The following CLEC2A variants were observed in gnomAD, a reference collection of about 807,000 sequenced individuals.
CLEC2A encodes C-type lectin domain family 2 member A.
In CLEC2A, 19 loss-of-function variants were observed where a neutral mutation model predicts 18.6. That is an observed-to-expected ratio of 1.02 (90% CI 0.71 to 1.50). CLEC2A has a LOEUF of 1.50. Among genes scored for constraint, CLEC2A ranks in the 40% most tolerant of loss-of-function variants. The probability of loss-of-function intolerance (pLI) is 0.00; values close to 1 mark genes in which losing one functional copy is unlikely to be tolerated. For synonymous variants in CLEC2A, 74 were observed against 64.0 expected (o/e 1.16, Z -0.75); for missense variants, 190 against 207.9 (o/e 0.91, Z 0.53).
downstream of CLEC2A, among the ~76,000 whole-genome samples, chr12:9,897,019 C>G (rs1862764337): frequency 6.6e-6 from 1 of 151,968 alleles, no homozygotes; most frequent in African/African-American, 2.4e-5. Context: ...ACCACCATGC[C>G]CAGCTAATTT....
chr12:9,908,709 T>C (rs1240915221), downstream of CLEC2A, among the ~76,000 whole-genome samples: 1 of 152,336 alleles, frequency 6.6e-6, no homozygotes, highest in South Asian at 2.1e-4. Flanking sequence ...AAGAGACCTG[T>C]TCTTCCACAT....
chr12:9,919,690 A>G (rs1863132834), intron 3 of CLEC2A, among the ~76,000 whole-genome samples: 1 of 152,030 alleles, frequency 6.6e-6, no homozygotes, highest in South Asian at 2.1e-4. Flanking sequence ...CCACTTTATC[A>G]TAGGGCTGCT....
At chr12:9,888,346 T>C in the CLEC2A span, among the ~76,000 whole-genome samples, 1 of 151,530 alleles carries the variant, frequency 6.6e-6, no homozygotes, top group African/African-American at 2.4e-5. Context: ...AAAAATTAGC[T>C]GGGCATGGTG....
At chr12:9,932,235 C>T (rs752004792) in intron 1 of CLEC2A, 40 bp downstream of exon 1, 19 of 1,412,954 alleles carry the variant, frequency 1.3e-5, no homozygotes. Flanking sequence ...TTTGTTTTAT[C>T]TTTCCTTTAC....
chr12:9,888,319 T>C, the CLEC2A span, among the ~76,000 whole-genome samples: 1 of 151,016 alleles, frequency 6.6e-6, no homozygotes, highest in African/African-American at 2.4e-5. Context: ...TGAAACCCCA[T>C]CTCTACTAAA....
At chr12:9,895,769 C>T (rs528889856), downstream of CLEC2A, 1 of 1,535,808 alleles carries the variant, frequency 6.5e-7, no homozygotes, top group African/African-American at 1.4e-5. Flanking sequence ...GACTGTAGCT[C>T]CACATTTAAG....
At chr12:9,902,005 C>T (rs940580848) in intron 4 of CLEC2A, among the ~76,000 whole-genome samples, 1 of 152,182 alleles carries the variant, frequency 6.6e-6, no homozygotes, top group Non-Finnish European at 1.5e-5. Context: ...CTTGAACCTT[C>T]AGCTTTTTCC....
the CLEC2A span, among the ~76,000 whole-genome samples, chr12:9,883,475 T>C: frequency 6.6e-6 from 1 of 152,172 alleles, no homozygotes. Context: ...TACATGAAAA[T>C]ATTAATTTTT....
At chr12:9,882,525 C>A in the CLEC2A span, among the ~76,000 whole-genome samples, 1,470 of 152,236 alleles carry the variant, frequency 9.7e-3, 18 homozygotes, top group African/African-American at 0.034. Context: ...TGCCTGTAAT[C>A]CCAGCACTTT....
At chr12:9,929,580 A>G (rs1248828391) in intron 1 of CLEC2A, among the ~76,000 whole-genome samples, 1 of 152,150 alleles carries the variant, frequency 6.6e-6, no homozygotes, top group Non-Finnish European at 1.5e-5. Flanking sequence ...TTGCACTGAT[A>G]TTCTGATATC....
intron 3 of CLEC2A, among the ~76,000 whole-genome samples, chr12:9,917,825 T>C (rs1863097559): frequency 1.3e-5 from 2 of 152,242 alleles, no homozygotes; most frequent in Non-Finnish European, 2.9e-5. Context: ...TATCTCGTTG[T>C]GGTTTTAATG....
the CLEC2A span, chr12:9,884,859 C>T: frequency 2.1e-6 from 1 of 468,356 alleles, no homozygotes; most frequent in Non-Finnish European, 3.7e-6. Flanking sequence ...CATGAGTTGT[C>T]TCTGTAATAA....
chr12:9,906,001 T>C (rs190929528), intron 4 of CLEC2A, among the ~76,000 whole-genome samples: 4 of 150,688 alleles, frequency 2.7e-5, no homozygotes, highest in Non-Finnish European at 5.9e-5. Flanking sequence ...GTGGTGATTT[T>C]CTTGGAGCCC....
intron 1 of CLEC2A, among the ~76,000 whole-genome samples, chr12:9,931,570 G>A (rs563932587): frequency 1.1e-4 from 16 of 152,202 alleles, no homozygotes; most frequent in Admixed American, 7.2e-4. Context: ...AAGAGTATCA[G>A]GCTTACTTAT....
rs1863017157 is a variant in CLEC2A at position 9,913,415 on chromosome 12, C to A, written c.*151G>T. 3.0e-6 allele frequency: 4 copies of A among 1,341,720 alleles called. No individual in the cohort carries two copies. In the Admixed American group the frequency reaches 1.2e-4, roughly 41 times the overall value. The allele number at this position is 1,341,720 out of a possible 1,614,324, so 83.1% of individuals were successfully genotyped here. ...CCTTGTCTCTTTAACCATGGCAGGG[C>A]ACAGCAAGAAGTTTCCATCTATAAA... On this transcript the variant is annotated 3_prime_UTR_variant, in exon 5 of 5. Transcript: ENST00000455827.
At chr12:9,893,275 GT>G in the CLEC2A span, 1 of 1,051,860 alleles carries the variant, frequency 9.5e-7, no homozygotes, top group Non-Finnish European at 1.3e-6. Flanking sequence ...CTGAACATGT[GT>G]TAGCCACAAT....
the CLEC2A span, among the ~76,000 whole-genome samples, chr12:9,880,286 T>A: frequency 6.6e-6 from 1 of 151,886 alleles, no homozygotes; most frequent in African/African-American, 2.4e-5. Context: ...AATAGAAAAA[T>A]GAATGAGAAG....
chr12:9,893,042 T>C, the CLEC2A span: 1 of 1,535,790 alleles, frequency 6.5e-7, no homozygotes, highest in Non-Finnish European at 8.7e-7. Context: ...TGTGCCCAAA[T>C]GACTGGCTGT....
In CLEC2A at chr12:9,926,232, T is replaced by C. The variant is rs1179885126; in HGVS notation, c.139+28A>G. 6 of 1,323,424 alleles carry C rather than the reference T, an allele frequency of 4.5e-6. No homozygotes were observed. In the Admixed American group the frequency reaches 9.9e-5, roughly 22 times the overall value. The allele number at this position is 1,323,424 out of a possible 1,614,324, so 82.0% of individuals were successfully genotyped here. A position where few individuals can be genotyped will look rare whatever the true frequency, so the allele number is the denominator to read the frequency against. On this transcript the variant is annotated intron_variant, in intron 2 of 4. Transcript: ENST00000455827. The stretch of plus-strand genomic sequence containing the variant: ...TGGACCCTTCAGGAGTGAAGAACCA[T>C]AGAAAGTGTATGAATTAAACCACTC...
Sources: gnomAD v4.1 joint callset for allele counts (sites outside exome capture counted in the v4.1 genomes callset) on GRCh38, gnomAD v4.1.1 for gene constraint, MANE v1.5 for transcripts, NCBI Gene and HGNC (gene_info 2026-07-23, HGNC 2026-07-21) for gene names.